RASAL2: variants seen among roughly 807,000 people sequenced by gnomAD.
RASAL2 encodes the protein RAS protein activator like 2, also known as ras GTPase-activating protein nGAP.
RASAL2 carries 58 observed loss-of-function variants against 128.9 expected under a neutral mutation model. The observed-to-expected ratio is 0.45, with a 90% confidence interval of 0.36 to 0.56. The LOEUF is 0.56. Among genes scored for constraint, RASAL2 ranks in the 20% least tolerant of loss-of-function variants. The probability of loss-of-function intolerance (pLI) is 0.00; values close to 1 mark genes in which losing one functional copy is unlikely to be tolerated. For synonymous variants in RASAL2, 561 were observed against 580.8 expected (o/e 0.97, Z 0.49); for missense variants, 1,360 against 1,601.6 (o/e 0.85, Z 2.57).
At chr1:178,375,672 A>G (rs1671952211) in intron 3 of RASAL2, among the ~76,000 whole-genome samples, 1 of 152,162 alleles carries the variant, frequency 6.6e-6, no homozygotes, top group Non-Finnish European at 1.5e-5. Context: ...AGATTAAAAT[A>G]GATGGAGAGA....
At chr1:178,262,430 G>T (rs947907809) in intron 1 of RASAL2, among the ~76,000 whole-genome samples, 2 of 152,158 alleles carry the variant, frequency 1.3e-5, no homozygotes, top group Non-Finnish European at 2.9e-5. Flanking sequence ...AGGATTTAAG[G>T]CTTAATTTGT....
chr1:178,155,644 CTT>C (rs760026348), intron 1 of RASAL2, among the ~76,000 whole-genome samples: 6 of 139,052 alleles, frequency 4.3e-5, no homozygotes, highest in African/African-American at 1.0e-4. Flanking sequence ...TCTTGCCAGT[CTT>C]TTTTTTTTTT....
At chr1:178,246,226 G>A (rs1410724616) in intron 1 of RASAL2, among the ~76,000 whole-genome samples, 1 of 151,910 alleles carries the variant, frequency 6.6e-6, no homozygotes, top group African/African-American at 2.4e-5. Flanking sequence ...ATTTGTTTTT[G>A]TCCTCCCTTA....
chr1:178,452,424 C>T lies in RASAL2; in HGVS notation c.1781C>T (p.Pro594Leu), dbSNP rs1677441323. The change falls in exon 11 of 18, where the codon CCT (proline) becomes CTT (leucine). Residue 594 changes from proline to leucine, a missense_variant. Transcript: ENST00000367649. ...CKIINSYCVF[P>L]RELKEVFASW... is the part of the protein sequence containing the mutation. ...CTTCTTTCCTTCCCTAGTGTTTTCC[C>T]TCGTGAGTTGAAAGAAGTGTTTGCA... 6.2e-7 allele frequency: 1 copy of T among 1,613,712 alleles called. No individual in the cohort carries two copies. The highest frequency in any genetic ancestry group is 1.3e-5 in the African/African-American group (1 of 74,884).
intron 1 of RASAL2, among the ~76,000 whole-genome samples, chr1:178,185,323 A>G (rs997939379): frequency 2.0e-5 from 3 of 151,152 alleles, no homozygotes; most frequent in African/African-American, 7.3e-5. Flanking sequence ...TTTCCTAACT[A>G]TTGCTCTAGT....
chr1:178,214,130 C>T (rs1028085803), intron 1 of RASAL2, among the ~76,000 whole-genome samples: 6 of 152,026 alleles, frequency 3.9e-5, no homozygotes, highest in African/African-American at 7.2e-5. Context: ...ACTAACTGGG[C>T]GTGGTAATCC....
At chr1:178,152,800 A>AGTC (rs1440578123) in intron 1 of RASAL2, among the ~76,000 whole-genome samples, 3 of 152,236 alleles carry the variant, frequency 2.0e-5, no homozygotes, top group South Asian at 4.1e-4. Flanking sequence ...ACTCATGGCC[A>AGTC]GTCTTGTTTC....
At chr1:178,275,965 G>A (rs146029381) in intron 1 of RASAL2, among the ~76,000 whole-genome samples, 60 of 152,290 alleles carry the variant, frequency 3.9e-4, no homozygotes, top group African/African-American at 1.3e-3. Flanking sequence ...AATAGTTGTG[G>A]TCTCATAGTA....
rs58393967 is a variant in RASAL2, at chr1:178,397,461, A to C, written c.564+7255A>C. On this transcript the variant is annotated intron_variant, in intron 4 of 17. Coordinates refer to ENST00000367649, the MANE Select transcript of RASAL2 (RefSeq NM_170692.4). Reference sequence around the variant, plus strand: ...ACCAAAAAAGAGATTAGTGTTTCTCATGAGTTGGGTGAGGGAGAAATGGGA... The same window carrying C: ...ACCAAAAAAGAGATTAGTGTTTCTCCTGAGTTGGGTGAGGGAGAAATGGGA... Among the ~76,000 whole-genome samples the C allele has an allele frequency of 6.0e-3, 911 of 152,306 alleles. 8 individuals carry two copies. Among genetic ancestry groups the C allele is most frequent in the African/African-American group, 0.019 (808 of 41,564 alleles).
intron 1 of RASAL2, among the ~76,000 whole-genome samples, chr1:178,202,547 A>G (rs184676725): frequency 9.2e-5 from 14 of 152,356 alleles, no homozygotes; most frequent in African/African-American, 3.4e-4. Context: ...TGCACTTTGC[A>G]TGGAAGGAGA....
intron 1 of RASAL2, among the ~76,000 whole-genome samples, chr1:178,266,582 G>T (rs552474217): frequency 5.3e-5 from 8 of 152,292 alleles, no homozygotes; most frequent in Admixed American, 4.6e-4. Context: ...GTTTTAAGTA[G>T]CAGAGAGTTT....
intron 1 of RASAL2, among the ~76,000 whole-genome samples, chr1:178,256,965 C>T (rs987490076): frequency 1.3e-5 from 2 of 152,082 alleles, no homozygotes; most frequent in Non-Finnish European, 2.9e-5. Flanking sequence ...TGAGCCACTG[C>T]GCCTGGCCCA....
chr1:178,166,978 T>A (rs1661538726), intron 1 of RASAL2, among the ~76,000 whole-genome samples: 1 of 152,110 alleles, frequency 6.6e-6, no homozygotes, highest in African/African-American at 2.4e-5. Flanking sequence ...GTCATTTACA[T>A]GGATTTTCAC....
chr1:178,344,816 C>G (rs905028395), intron 3 of RASAL2, among the ~76,000 whole-genome samples: 1 of 152,094 alleles, frequency 6.6e-6, no homozygotes, highest in African/African-American at 2.4e-5. Context: ...CCTGTTGTTC[C>G]TAGTGGACAA....
intron 17 of RASAL2, among the ~76,000 whole-genome samples, chr1:178,468,486 G>T (rs1647960156): frequency 6.6e-6 from 1 of 152,318 alleles, no homozygotes; most frequent in South Asian, 2.1e-4. Context: ...TGTGGAATGG[G>T]TTTATTTTTC....
Position 178,457,704 on chromosome 1 carries a change from T to C in RASAL2, c.2412T>C (p.Ser804=). 2 of 1,613,696 alleles carry C rather than the reference T, an allele frequency of 1.2e-6. No homozygotes were observed. Among genetic ancestry groups the C allele is most frequent in the Non-Finnish European group, 1.7e-6 (2 of 1,179,774 alleles). Residue 804 remains serine, a synonymous_variant, in exon 14 of 18, where the codon TCT becomes TCC. Transcript: ENST00000367649. ...ACAGTGATTTGCATAAACTAAAATC[T>C]CCAAGCCAGGACAACACAGACAGCT... The part of the protein sequence containing the change: ...PTDSDLHKLK[S]PSQDNTDSYF...
intron 3 of RASAL2, among the ~76,000 whole-genome samples, chr1:178,365,673 A>G (rs1159932193): frequency 6.6e-6 from 1 of 152,010 alleles, no homozygotes; most frequent in Non-Finnish European, 1.5e-5. Flanking sequence ...GGTTTTCACC[A>G]TGTTGGCCAG....
At chr1:178,306,668 A>G (rs1056126346) in intron 3 of RASAL2, among the ~76,000 whole-genome samples, 4 of 151,746 alleles carry the variant, frequency 2.6e-5, no homozygotes, top group African/African-American at 9.7e-5. Flanking sequence ...GCATTTTTTC[A>G]TGTGTTTTTT....
In RASAL2 at chr1:178,411,690, C is replaced by T. The variant is rs560944784; in HGVS notation, c.565-8821C>T. ...CCTTCAGTGACACTTTTGTCCATGT[C>T]ACTGATCTTTCTGGCAAAGAAACCA... On this transcript the variant is annotated intron_variant, in intron 4 of 17. Coordinates refer to ENST00000367649, the MANE Select transcript of RASAL2 (RefSeq NM_170692.4). 1.2e-4 allele frequency: 100 copies of T among 821,666 alleles called. 1 individual carries two copies. The highest frequency in any genetic ancestry group is 6.1e-5 in the Non-Finnish European group (28 of 457,974). The allele number at this position is 821,666 out of a possible 1,614,324, so 50.9% of individuals were successfully genotyped here. A position where few individuals can be genotyped will look rare whatever the true frequency, so the allele number is the denominator to read the frequency against.
Sources: allele counts gnomAD v4.1 joint callset (sites outside exome capture counted in the v4.1 genomes callset), GRCh38; gene constraint gnomAD v4.1.1; transcripts MANE v1.5; gene names NCBI Gene and HGNC (gene_info 2026-07-23, HGNC 2026-07-21).